Variants in CATSPERT observed in about 807,000 individuals in gnomAD.
CATSPERT encodes catsper channel auxiliary subunit tau, also known as cation channel sperm-associated targeting subunit tau.
the CATSPERT span, among the ~76,000 whole-genome samples, chr2:201,581,459 T>TATATAC: frequency 2.6e-5 from 3 of 116,988 alleles, no homozygotes; most frequent in African/African-American, 1.0e-4. Context: ...TATATATGTA[T>TATATAC]ACACACACAC....
the CATSPERT span, chr2:201,493,097 A>T: frequency 6.5e-7 from 1 of 1,529,704 alleles, no homozygotes; most frequent in Non-Finnish European, 8.7e-7. Flanking sequence ...GAATGATTAT[A>T]TTTGAAAAAA....
the CATSPERT span, among the ~76,000 whole-genome samples, chr2:201,546,368 T>C: frequency 1.3e-5 from 2 of 152,174 alleles, no homozygotes; most frequent in Admixed American, 6.5e-5. Context: ...TTTCTAAATA[T>C]CAAACCTTAC....
At chr2:201,537,808 C>T in the CATSPERT span, among the ~76,000 whole-genome samples, 1 of 151,618 alleles carries the variant, frequency 6.6e-6, no homozygotes, top group Non-Finnish European at 1.5e-5. Flanking sequence ...AGAATAAAGG[C>T]ATATGAAATC....
the CATSPERT span, among the ~76,000 whole-genome samples, chr2:201,591,735 C>G: frequency 1.3e-5 from 2 of 151,932 alleles, no homozygotes; most frequent in African/African-American, 4.8e-5. Context: ...GTATTTTATT[C>G]TCTTTGAAGC....
the CATSPERT span, chr2:201,535,055 TTC>T: frequency 1.2e-6 from 1 of 823,836 alleles, no homozygotes; most frequent in African/African-American, 1.9e-5. Context: ...TCTTTTACAT[TTC>T]TCTCCATTTT....
At chr2:201,520,938 T>TA in the CATSPERT span, among the ~76,000 whole-genome samples, 61 of 130,454 alleles carry the variant, frequency 4.7e-4, no homozygotes, top group African/African-American at 1.0e-3. Context: ...ACCACAGAAA[T>TA]AAAAAAAAAA....
the CATSPERT span, among the ~76,000 whole-genome samples, chr2:201,571,403 A>G: frequency 4.6e-5 from 7 of 152,104 alleles, no homozygotes; most frequent in Non-Finnish European, 8.8e-5. Context: ...ATTTTTCTAT[A>G]ATCTATTTTT....
At chr2:201,580,441 A>C in the CATSPERT span, among the ~76,000 whole-genome samples, 2 of 152,220 alleles carry the variant, frequency 1.3e-5, no homozygotes, top group African/African-American at 4.8e-5. Flanking sequence ...TTGCAAAAAC[A>C]ATAATTTGTA....
chr2:201,491,796 T>C, the CATSPERT span: 12 of 1,536,972 alleles, frequency 7.8e-6, no homozygotes, highest in East Asian at 4.9e-5. Flanking sequence ...CACACCAAGC[T>C]TTTGATTGAG....
At chr2:201,521,234 G>A in the CATSPERT span, among the ~76,000 whole-genome samples, 11 of 152,242 alleles carry the variant, frequency 7.2e-5, no homozygotes, top group South Asian at 1.9e-3. Context: ...AAAACTCTTT[G>A]TATTAGTTTG....
chr2:201,516,561 C>T, the CATSPERT span, among the ~76,000 whole-genome samples: 4 of 152,162 alleles, frequency 2.6e-5, no homozygotes, highest in South Asian at 2.1e-4. Context: ...GATTATAATT[C>T]GAGATGAGAT....
At chr2:201,511,867 A>AAAC in the CATSPERT span, 1 of 150,650 alleles carries the variant, frequency 6.6e-6, no homozygotes, top group African/African-American at 2.4e-5. Flanking sequence ...AAAAAAAAAA[A>AAAC]AAAAAACTCT....
At chr2:201,609,576 T>C in the CATSPERT span, among the ~76,000 whole-genome samples, 2 of 152,292 alleles carry the variant, frequency 1.3e-5, no homozygotes, top group African/African-American at 4.8e-5. Context: ...ATTAACAACA[T>C]GCTCTTCAAT....
At chr2:201,581,785 T>G in the CATSPERT span, among the ~76,000 whole-genome samples, 2 of 150,840 alleles carry the variant, frequency 1.3e-5, no homozygotes, top group African/African-American at 4.9e-5. Context: ...ATTTTGTATT[T>G]TTAGTAGAGA....
chr2:201,551,448 T>C, the CATSPERT span, among the ~76,000 whole-genome samples: 1 of 152,220 alleles, frequency 6.6e-6, no homozygotes, highest in Non-Finnish European at 1.5e-5. Flanking sequence ...CTCATGCACA[T>C]AGAGATTATA....
the CATSPERT span, among the ~76,000 whole-genome samples, chr2:201,556,337 G>A: frequency 4.6e-5 from 7 of 151,846 alleles, no homozygotes; most frequent in South Asian, 4.1e-4. Context: ...GTGAAACCCC[G>A]TCTCTACTAA....
At chr2:201,575,406 C>T in the CATSPERT span, 2 of 1,146,192 alleles carry the variant, frequency 1.7e-6, no homozygotes, top group African/African-American at 3.2e-5. Context: ...GGGTCCCCAA[C>T]CCCTAGGCCA....
the CATSPERT span, among the ~76,000 whole-genome samples, chr2:201,511,213 T>C: frequency 2.0e-5 from 3 of 152,202 alleles, no homozygotes; most frequent in Non-Finnish European, 2.9e-5. Flanking sequence ...TTTTAAAGCA[T>C]AATCTGGCAG....
chr2:201,489,183 T>C, the CATSPERT span, among the ~76,000 whole-genome samples: 1 of 152,214 alleles, frequency 6.6e-6, no homozygotes, highest in African/African-American at 2.4e-5. Flanking sequence ...TTAGGAACAG[T>C]TGGTTTAACT....
Sources: gnomAD v4.1 joint callset for allele counts (sites outside exome capture counted in the v4.1 genomes callset) on GRCh38, gnomAD v4.1.1 for gene constraint, MANE v1.5 for transcripts, NCBI Gene and HGNC (gene_info 2026-07-23, HGNC 2026-07-21) for gene names.